BUD31: variants seen among roughly 807,000 people sequenced by gnomAD.
The protein encoded by BUD31 is BUD31 spliceosome associated protein, also known as protein BUD31 homolog.
BUD31 carries 9 observed loss-of-function variants against 17.9 expected under a neutral mutation model. The observed-to-expected ratio is 0.50, with a 90% CI of 0.30 to 0.88. BUD31 has a LOEUF of 0.88. BUD31 is among the 40% of genes least tolerant of loss of function. The probability of loss-of-function intolerance (pLI) is 0.06; values close to 1 mark genes in which losing one functional copy is unlikely to be tolerated. For synonymous variants in BUD31, 70 were observed against 64.7 expected, an observed-to-expected ratio of 1.08 and a Z score of -0.39; for missense variants, 148 against 184.5, an observed-to-expected ratio of 0.80 and a Z score of 1.15.
chr7:99,408,981 C>G lies in BUD31; in HGVS notation c.-430C>G, dbSNP rs1034725914. On this transcript the variant is annotated 5_prime_UTR_variant, in exon 1 of 6. Transcript: ENST00000222969. ...GCGGAAGCCTTCTGTCGAGAAGCAGCTACCCAAGCTCCAGGAGCTTCCGGT... is the reference window on the plus strand; with the variant it reads ...GCGGAAGCCTTCTGTCGAGAAGCAGGTACCCAAGCTCCAGGAGCTTCCGGT... The G allele has an allele frequency of 1.3e-5, 2 of 159,248 alleles. No homozygotes were observed. The highest frequency in any genetic ancestry group is 4.8e-5 in the African/African-American group (2 of 41,734). 9.9% of individuals were successfully genotyped at this position (159,248 alleles called of 1,614,324 possible).
At chr7:99,417,402 G>C (rs199573758) in intron 4 of BUD31, 27 bp from the exon 5 acceptor site, 27 of 1,610,630 alleles carry the variant, frequency 1.7e-5, no homozygotes, top group Non-Finnish European at 2.3e-5. Flanking sequence ...ACCATGGCCT[G>C]ATGCTCTTTC....
At chr7:99,416,984 GGT>G in intron 4 of BUD31, 3 of 170,286 alleles carry the variant, frequency 1.8e-5, no homozygotes, top group Middle Eastern at 3.0e-3. Context: ...TGGGATTACA[GGT>G]GTGAGGCACC....
At chr7:99,411,798 G>A (rs1004896544) in intron 3 of BUD31, 9 of 436,414 alleles carry the variant, frequency 2.1e-5, no homozygotes, top group Non-Finnish European at 3.2e-5. Flanking sequence ...TCTGCCTCCC[G>A]TGTTCAAGTG....
chr7:99,410,778 T>C (rs534097621), intron 2 of BUD31, among the ~76,000 whole-genome samples: 1 of 152,302 alleles, frequency 6.6e-6, no homozygotes, highest in Admixed American at 6.5e-5. Flanking sequence ...ACACCAGGCA[T>C]GATAGATACA....
At position 99,415,516 on chromosome 7, in the gene BUD31, C is replaced by T. The variant is rs369035597; in HGVS notation, c.95-622C>T. Among the ~76,000 whole-genome samples the T allele has an allele frequency of 1.3e-3, 204 of 152,178 alleles. 5 individuals carry two copies. The highest frequency in any genetic ancestry group is 3.7e-3 in the South Asian group (18 of 4,804). On this transcript the variant is annotated intron_variant, in intron 3 of 5. Coordinates refer to ENST00000222969, the MANE Select transcript of BUD31 (RefSeq NM_003910.4). The stretch of plus-strand genomic sequence containing the variant: ...AGTTAGGCCTCTGGATAACTGCGGG[C>T]GGGCCTGACTGATGTCAGGCCCTCC...
At chr7:99,414,597 C>CT (rs976028969) in intron 3 of BUD31, among the ~76,000 whole-genome samples, 7 of 151,258 alleles carry the variant, frequency 4.6e-5, no homozygotes, top group African/African-American at 1.7e-4. Context: ...ACTTCATTCC[C>CT]TTTTTTTTCT....
intron 1 of BUD31, among the ~76,000 whole-genome samples, chr7:99,409,769 C>CGGGGG (rs370621425): frequency 8.4e-4 from 41 of 48,676 alleles, no homozygotes; most frequent in East Asian, 1.5e-3. Flanking sequence ...GCTCTGTGGG[C>CGGGGG]GGGGGGGGGG....
intron 1 of BUD31, among the ~76,000 whole-genome samples, chr7:99,409,776 G>GGC (rs1795102190): frequency 7.9e-6 from 1 of 126,040 alleles, no homozygotes; most frequent in Admixed American, 8.6e-5. Context: ...GGGCGGGGGG[G>GGC]GGGTGGGTCT....
chr7:99,411,765 C>T (rs1331221117), intron 3 of BUD31: 2 of 452,250 alleles, frequency 4.4e-6, no homozygotes, highest in Non-Finnish European at 8.9e-6. Flanking sequence ...AGTGCAGTGG[C>T]GTGATCTCGG....
At chr7:99,409,479 G>T (rs974150549) in intron 1 of BUD31, among the ~76,000 whole-genome samples, 8 of 152,052 alleles carry the variant, frequency 5.3e-5, no homozygotes, top group Non-Finnish European at 8.8e-5. Flanking sequence ...CCTCCGAGAG[G>T]CCTCTTCTGA....
chr7:99,417,778 G>C lies in BUD31; in HGVS notation c.384+183G>C, dbSNP rs150887280. 7.2e-6 allele frequency: 11 copies of C among 1,530,280 alleles called. No homozygotes were observed. The African/African-American group carries it at 1.4e-4, about 19-fold the overall frequency. 94.8% of individuals were successfully genotyped at this position (1,530,280 alleles called of 1,614,324 possible). A position where few individuals can be genotyped will look rare whatever the true frequency, so the allele number is the denominator to read the frequency against. On this transcript the variant is annotated intron_variant, in intron 5 of 5. Transcript: ENST00000222969. ...AATCCATGTGAGGCAGCGTGTGGCT[G>C]TGTGTTTGTTAGGTCTGGGGTCAAT...
Position 99,411,124 on chromosome 7 carries a change from C to T in BUD31, c.32C>T (p.Pro11Leu), listed in dbSNP as rs1795167320. The T allele has an allele frequency of 3.1e-6, 5 of 1,613,900 alleles. No homozygotes were observed. Among genetic ancestry groups the T allele is most frequent in the Admixed American group, 1.7e-5 (1 of 59,980 alleles). The part of the protein sequence containing the change: MPKVKRSRKA[P>L]PDGWELIEPT... The stretch of plus-strand genomic sequence containing the variant: ...AAAGTCAAAAGAAGCCGGAAAGCAC[C>T]CCCAGATGGCTGGGAGTTGATTGAG... Residue 11 changes from proline to leucine, a missense_variant, in exon 3 of 6, where the codon CCC becomes CTC. Coordinates refer to ENST00000222969, the MANE Select transcript of BUD31 (RefSeq NM_003910.4).
chr7:99,413,593 G>A (rs1338393460), intron 3 of BUD31, among the ~76,000 whole-genome samples: 2 of 151,838 alleles, frequency 1.3e-5, no homozygotes, highest in Non-Finnish European at 2.9e-5. Flanking sequence ...TTTTTTGTTT[G>A]TTTTGTTTTG....
intron 3 of BUD31, among the ~76,000 whole-genome samples, chr7:99,413,968 CT>C (rs917013229): frequency 4.6e-5 from 7 of 152,078 alleles, no homozygotes; most frequent in African/African-American, 1.4e-4. Flanking sequence ...ATTAAAAAGA[CT>C]TTTTTTCTTG....
chr7:99,411,181 G>C lies in BUD31; in HGVS notation c.89G>C (p.Arg30Thr). ...PTLDELDQKM[R>T]EAETEPHEGK... ...CTGGATGAATTAGATCAAAAGATGA[G>C]AGAAGGTGAGTAGGGGAGTTCCTGT... Residue 30 changes from arginine to threonine, a missense_variant, in exon 3 of 6, where the codon AGA becomes ACA. Physicochemically the swap from Arg to Thr is moderately conservative, Grantham distance 71 (BLOSUM62 -1). Coordinates refer to ENST00000222969, the MANE Select transcript of BUD31 (RefSeq NM_003910.4). The C allele has an allele frequency of 6.2e-7, 1 of 1,613,868 alleles. No individual in the cohort carries two copies. The highest frequency in any genetic ancestry group is 8.5e-7 in the Non-Finnish European group (1 of 1,179,828).
chr7:99,417,651 C>T (rs778614868), intron 5 of BUD31, 56 bp downstream of exon 5: 23 of 1,598,324 alleles, frequency 1.4e-5, no homozygotes, highest in Non-Finnish European at 1.8e-5. Context: ...CTGCCTTAGT[C>T]GACTGCAAGG....
intron 1 of BUD31, among the ~76,000 whole-genome samples, chr7:99,409,671 GCAAATT>G (rs2150913275): frequency 6.7e-6 from 1 of 149,444 alleles, no homozygotes; most frequent in African/African-American, 2.5e-5. Context: ...GTCAGGTTTT[GCAAATT>G]CTCAGCTGTG....
chr7:99,419,365 C>T (rs758006428), intron 5 of BUD31, 26 bp from the exon 6 acceptor site: 160 of 1,612,286 alleles, frequency 9.9e-5, no homozygotes, highest in Middle Eastern at 1.6e-4. Flanking sequence ...GCAGTGGCAT[C>T]GTCTCACTGT....
chr7:99,409,769 CGG>C (rs370621425), intron 1 of BUD31, among the ~76,000 whole-genome samples: 526 of 48,752 alleles, frequency 0.011, 5 homozygotes, highest in African/African-American at 0.027. Context: ...GCTCTGTGGG[CGG>C]GGGGGGGGTG....
Sources: gnomAD v4.1 joint callset for allele counts (sites outside exome capture counted in the v4.1 genomes callset) on GRCh38, gnomAD v4.1.1 for gene constraint, MANE v1.5 for transcripts, NCBI Gene and HGNC (gene_info 2026-07-23, HGNC 2026-07-21) for gene names.